The following LNX1 variants were observed in gnomAD, a reference collection of about 807,000 sequenced individuals.
The protein encoded by LNX1 is E3 ubiquitin-protein ligase LNX.
In LNX1, 54 loss-of-function variants were observed where a neutral mutation model predicts 68.4. The ratio of observed to expected loss-of-function variants is 0.79; its 90% CI spans 0.63 to 0.99. The LOEUF (loss-of-function observed/expected upper bound fraction) is 0.99. LNX1 is among the 50% of genes least tolerant of loss of function. LNX1 has a pLI of 0.00. For missense variants in LNX1, 906 were observed against 926.4 expected, an observed-to-expected ratio of 0.98 and a Z score of 0.29; for synonymous variants, 336 against 350.0, an observed-to-expected ratio of 0.96 and a Z score of 0.45.
intron 1 of LNX1, among the ~76,000 whole-genome samples, chr4:53,651,213 T>C (rs1735084361): frequency 6.6e-6 from 1 of 152,216 alleles, no homozygotes; most frequent in South Asian, 2.1e-4. Context: ...GGGACTTGTG[T>C]ATCTGAATGC....
intron 1 of LNX1, among the ~76,000 whole-genome samples, chr4:53,626,495 T>A (rs556484880): frequency 6.6e-6 from 1 of 152,330 alleles, no homozygotes; most frequent in Admixed American, 6.5e-5. Flanking sequence ...CAAGTCTTTG[T>A]TGAGCATGCA....
intron 2 of LNX1, among the ~76,000 whole-genome samples, chr4:53,514,684 G>A (rs1198707080): frequency 1.3e-5 from 2 of 152,148 alleles, no homozygotes; most frequent in Non-Finnish European, 2.9e-5. Context: ...TATCAGGGGT[G>A]AATTATCTAA....
At chr4:53,492,924 G>A (rs1313243842) in intron 6 of LNX1, among the ~76,000 whole-genome samples, 1 of 151,994 alleles carries the variant, frequency 6.6e-6, no homozygotes, top group Non-Finnish European at 1.5e-5. Context: ...AGGTGAGGTG[G>A]GCACATGAAT....
chr4:53,619,863 T>C (rs1379947072), upstream of LNX1, among the ~76,000 whole-genome samples: 1 of 152,244 alleles, frequency 6.6e-6, no homozygotes, highest in African/African-American at 2.4e-5. Flanking sequence ...CTCCACATCC[T>C]TGCCAGTGCT....
At chr4:53,591,650 T>C (rs1233207765), upstream of LNX1, 39 of 886,354 alleles carry the variant, frequency 4.4e-5, no homozygotes, top group Admixed American at 1.2e-4. Context: ...GTCATTTACC[T>C]GAATACCTGC....
chr4:53,537,107 G>A (rs1356663410), intron 2 of LNX1, among the ~76,000 whole-genome samples: 2 of 152,112 alleles, frequency 1.3e-5, no homozygotes, highest in Admixed American at 1.3e-4. Context: ...GTGGTAGTGG[G>A]GACGGTATGA....
At chr4:53,547,412 G>C (rs1194193207) in intron 2 of LNX1, among the ~76,000 whole-genome samples, 2 of 152,200 alleles carry the variant, frequency 1.3e-5, no homozygotes, top group East Asian at 3.9e-4. Context: ...AAAGCTCAGA[G>C]AAGGTAAGTA....
Position 53,496,073 on chromosome 4 carries a change from C to A in LNX1, c.1300G>T (p.Gly434Ter), listed in dbSNP as rs774983737. The change falls in exon 6 of 11, where the codon GGA becomes TGA. Residue 434 changes from glycine (G) to a stop codon, truncating the protein, a stop_gained. Coordinates refer to ENST00000263925, the MANE Select transcript of LNX1 (RefSeq NM_001126328.3). LOFTEE classifies it high-confidence loss of function. The part of the protein sequence containing the change: ...EENDRVLAIN[G>*]HDLRYGSPES... ...GGGCTGCCATATCGAAGATCATGTCCATTGATGGCTAACACACGGTCATTC... is the reference window on the plus strand; with the variant it reads ...GGGCTGCCATATCGAAGATCATGTCAATTGATGGCTAACACACGGTCATTC... 17 of 1,614,046 alleles carry A rather than the reference C, an allele frequency of 1.1e-5. No individual in the cohort carries two copies. Among genetic ancestry groups the A allele is most frequent in the Non-Finnish European group, 1.4e-5 (17 of 1,180,026 alleles).
chr4:53,535,262 C>T (rs1174918312), intron 2 of LNX1, among the ~76,000 whole-genome samples: 1 of 152,168 alleles, frequency 6.6e-6, no homozygotes, highest in Non-Finnish European at 1.5e-5. Flanking sequence ...GGAGACCAGG[C>T]TTTGTTGTTT....
intron 8 of LNX1, among the ~76,000 whole-genome samples, chr4:53,478,170 A>C (rs780409322): frequency 1.3e-4 from 20 of 152,170 alleles, no homozygotes; most frequent in Non-Finnish European, 2.6e-4. Context: ...CTATCAAATG[A>C]CTTTTTCTAT....
In LNX1 at chr4:53,571,316, G is replaced by A. The variant is rs113361839; in HGVS notation, c.380+2307C>T. Among the ~76,000 whole-genome samples, 400 of 150,886 alleles carry A rather than the reference G, an allele frequency of 2.7e-3. 3 individuals carry two copies. The highest frequency in any genetic ancestry group is 9.1e-3 in the African/African-American group (378 of 41,390). The stretch of plus-strand genomic sequence containing the variant: ...TTACAGGTGTGAGCCTCCATGCCCC[G>A]CGTAAATTAAGAATCTTGAGATGAA... On this transcript the variant is annotated intron_variant, in intron 2 of 10. Coordinates refer to ENST00000263925, the MANE Select transcript of LNX1 (RefSeq NM_001126328.3).
intron 2 of LNX1, among the ~76,000 whole-genome samples, chr4:53,616,053 G>A (rs1477876): frequency 0.76 from 115,860 of 151,984 alleles, 44,523 homozygotes; most frequent in East Asian, 0.91. Flanking sequence ...CACCACCCCC[G>A]TCCTTCCAAG....
intron 1 of LNX1, among the ~76,000 whole-genome samples, chr4:53,642,607 A>G (rs1322590466): frequency 1.3e-5 from 2 of 152,200 alleles, no homozygotes; most frequent in Admixed American, 1.3e-4. Flanking sequence ...ATAGCTCTGG[A>G]AAGAAAGAGC....
intron 2 of LNX1, among the ~76,000 whole-genome samples, chr4:53,565,287 G>T (rs1034310727): frequency 1.3e-5 from 2 of 152,018 alleles, no homozygotes; most frequent in African/African-American, 4.8e-5. Context: ...CTCCCAGTAC[G>T]CAGCTGGAGA....
intron 9 of LNX1, among the ~76,000 whole-genome samples, chr4:53,472,685 C>CAAAAAAAAA (rs1309297098): frequency 5.3e-5 from 4 of 74,768 alleles, no homozygotes; most frequent in African/African-American, 9.6e-5. Flanking sequence ...ACAACAACAA[C>CAAAAAAAAA]AAAAAAAAAA....
intron 2 of LNX1, among the ~76,000 whole-genome samples, chr4:53,532,599 G>T (rs541516554): frequency 1.3e-5 from 2 of 152,178 alleles, no homozygotes; most frequent in African/African-American, 4.8e-5. Context: ...ACTGCATTTT[G>T]ATAGTCCCCA....
chr4:53,497,588 T>A (rs1725157450), intron 5 of LNX1, among the ~76,000 whole-genome samples: 1 of 152,228 alleles, frequency 6.6e-6, no homozygotes, highest in African/African-American at 2.4e-5. Context: ...CAGGGTTGCC[T>A]GCTAAATAGT....
intron 9 of LNX1, among the ~76,000 whole-genome samples, chr4:53,476,228 G>A (rs1246635252): frequency 6.6e-6 from 1 of 152,088 alleles, no homozygotes; most frequent in East Asian, 1.9e-4. Context: ...AACCCAGGAG[G>A]CCAAGGTTGC....
chr4:53,623,848 G>A (rs1469891555), intron 1 of LNX1, among the ~76,000 whole-genome samples: 1 of 152,178 alleles, frequency 6.6e-6, no homozygotes, highest in Non-Finnish European at 1.5e-5. Context: ...AGGTTGCACA[G>A]TAAATGAGTA....
Sources: gnomAD v4.1 joint callset for allele counts (sites outside exome capture counted in the v4.1 genomes callset) on GRCh38, gnomAD v4.1.1 for gene constraint, MANE v1.5 for transcripts, NCBI Gene and HGNC (gene_info 2026-07-23, HGNC 2026-07-21) for gene names.